KCNAB1: variants seen among roughly 807,000 people sequenced by gnomAD.
The protein encoded by KCNAB1 is potassium voltage-gated channel subfamily A regulatory beta subunit 1.
A neutral mutation model predicts 64.6 loss-of-function variants in KCNAB1; 35 were observed. The observed-to-expected ratio is 0.54, with a 90% CI of 0.41 to 0.72. The LOEUF (loss-of-function observed/expected upper bound fraction) is 0.72, where lower values mean the gene tolerates loss of function less well. Ranked by LOEUF, KCNAB1 falls within the 30% of genes least tolerant of loss-of-function variation. KCNAB1 has a pLI of 0.00. For synonymous variants in KCNAB1, 177 were observed against 183.8 expected (o/e 0.96, Z 0.30); for missense variants, 401 against 512.9 (o/e 0.78, Z 2.11).
intron 1 of KCNAB1, among the ~76,000 whole-genome samples, chr3:156,210,499 A>G (rs2108393415): frequency 6.6e-6 from 1 of 152,346 alleles, no homozygotes; most frequent in East Asian, 1.9e-4. Flanking sequence ...AGAGAGAGCC[A>G]GTCATCATGA....
intron 8 of KCNAB1, among the ~76,000 whole-genome samples, chr3:156,502,904 GT>G (rs1216251521): frequency 6.6e-6 from 1 of 152,122 alleles, no homozygotes; most frequent in East Asian, 1.9e-4. Flanking sequence ...AGGTTTGTTT[GT>G]TTGTTTAAAT....
chr3:156,228,565 G>A lies in KCNAB1; in HGVS notation c.275+107679G>A, dbSNP rs369951026. Reference sequence around the variant, plus strand: ...GTTCTATCATGTTCCACTAGAGACCGCTGCAGGTGTGCTAGAGCTTGGAGG... The same window carrying A: ...GTTCTATCATGTTCCACTAGAGACCACTGCAGGTGTGCTAGAGCTTGGAGG... On this transcript the variant is annotated intron_variant, in intron 1 of 13. Transcript: ENST00000490337. Among the ~76,000 whole-genome samples, 101 of 152,280 alleles carry A rather than the reference G, an allele frequency of 6.6e-4. 1 individual carries two copies. The highest frequency in any genetic ancestry group is 3.4e-3 in the Middle Eastern group (1 of 294).
chr3:156,234,544 G>T (rs1283632208), intron 1 of KCNAB1, among the ~76,000 whole-genome samples: 1 of 152,120 alleles, frequency 6.6e-6, no homozygotes, highest in Non-Finnish European at 1.5e-5. Context: ...TAGCAAAATA[G>T]GAAGTGAGGT....
chr3:156,361,190 C>T (rs1051712978), intron 1 of KCNAB1, among the ~76,000 whole-genome samples: 1 of 152,134 alleles, frequency 6.6e-6, no homozygotes, highest in African/African-American at 2.4e-5. Flanking sequence ...GCCACACCAT[C>T]CCCCGGGATG....
At chr3:156,301,148 G>A (rs999010443) in intron 1 of KCNAB1, among the ~76,000 whole-genome samples, 2 of 152,052 alleles carry the variant, frequency 1.3e-5, no homozygotes, top group Non-Finnish European at 2.9e-5. Flanking sequence ...TTCCTGAGGA[G>A]CACATGCTAA....
At chr3:156,426,671 T>C (rs1715841771) in intron 2 of KCNAB1, among the ~76,000 whole-genome samples, 1 of 152,238 alleles carries the variant, frequency 6.6e-6, no homozygotes, top group South Asian at 2.1e-4. Flanking sequence ...TCACTGTCTT[T>C]TTACTGTCTG....
intron 1 of KCNAB1, among the ~76,000 whole-genome samples, chr3:156,180,570 T>C (rs1275990645): frequency 1.3e-5 from 2 of 149,200 alleles, no homozygotes; most frequent in African/African-American, 2.4e-5. Flanking sequence ...CATTTTCTAC[T>C]TTTTTTTTAC....
chr3:156,268,939 A>G (rs114827914), intron 1 of KCNAB1, among the ~76,000 whole-genome samples: 13 of 152,172 alleles, frequency 8.5e-5, no homozygotes, highest in African/African-American at 3.1e-4. Context: ...TGCCCAGTCC[A>G]ATGTTCTGGA....
chr3:156,443,767 C>T (rs191689307), intron 2 of KCNAB1, among the ~76,000 whole-genome samples: 12 of 151,616 alleles, frequency 7.9e-5, no homozygotes, highest in African/African-American at 2.7e-4. Context: ...CACACACACA[C>T]ACACACACAC....
At chr3:156,414,056 C>T (rs1490057119) in intron 1 of KCNAB1, among the ~76,000 whole-genome samples, 1 of 152,328 alleles carries the variant, frequency 6.6e-6, no homozygotes, top group East Asian at 1.9e-4. Context: ...ATATCACCCT[C>T]CTCCTCAGTC....
At chr3:156,469,122 A>T (rs957963709) in intron 7 of KCNAB1, among the ~76,000 whole-genome samples, 2 of 152,208 alleles carry the variant, frequency 1.3e-5, no homozygotes, top group Non-Finnish European at 2.9e-5. Context: ...TTAGCAAAGA[A>T]ATATAAAATC....
chr3:156,222,247 C>T (rs892828542), intron 1 of KCNAB1, among the ~76,000 whole-genome samples: 4 of 152,100 alleles, frequency 2.6e-5, no homozygotes, highest in Non-Finnish European at 2.9e-5. Context: ...ATATTCCCTG[C>T]AAATGGACAC....
chr3:156,424,944 G>A (rs1715713385), intron 2 of KCNAB1, among the ~76,000 whole-genome samples: 1 of 152,180 alleles, frequency 6.6e-6, no homozygotes. Context: ...GGGCTGACTT[G>A]CTTCATTCAA....
intron 1 of KCNAB1, among the ~76,000 whole-genome samples, chr3:156,284,803 C>T (rs1347169416): frequency 6.6e-6 from 1 of 152,210 alleles, no homozygotes; most frequent in Non-Finnish European, 1.5e-5. Context: ...CCAAGTGAGG[C>T]AATGCCTCAC....
chr3:156,279,425 A>G (rs565782791), intron 1 of KCNAB1, among the ~76,000 whole-genome samples: 3 of 152,302 alleles, frequency 2.0e-5, no homozygotes, highest in Admixed American at 1.3e-4. Flanking sequence ...CGCAATAAAC[A>G]TACGGGTGCA....
intron 1 of KCNAB1, among the ~76,000 whole-genome samples, chr3:156,381,082 G>C (rs1260023267): frequency 6.6e-6 from 1 of 152,022 alleles, no homozygotes; most frequent in South Asian, 2.1e-4. Context: ...GCATCATATT[G>C]GGTCCCAAAA....
At chr3:156,300,155 C>T (rs528328281) in intron 1 of KCNAB1, among the ~76,000 whole-genome samples, 40 of 152,314 alleles carry the variant, frequency 2.6e-4, no homozygotes, top group African/African-American at 9.4e-4. Context: ...CATCCCAGCA[C>T]CTGTTCATCA....
At position 156,176,589 on chromosome 3, in the gene KCNAB1, C is replaced by G. The variant is rs910546566; in HGVS notation, c.275+55703C>G. On this transcript the variant is annotated intron_variant, in intron 1 of 13. Transcript: ENST00000490337. ...AGTTCCATCACTGCTCCACTGTGTT[C>G]CTTCAGTATGGCAGAATTATCACAG... 10 of 855,206 alleles carry G rather than the reference C, an allele frequency of 1.2e-5. No homozygotes were observed. In the African/African-American group the frequency reaches 1.7e-4, roughly 14 times the overall value. The allele number at this position is 855,206 out of a possible 1,614,324, so 53.0% of individuals were successfully genotyped here.
At chr3:156,248,469 ATTTTTTTT>A (rs33915450) in intron 1 of KCNAB1, among the ~76,000 whole-genome samples, 2 of 100,142 alleles carry the variant, frequency 2.0e-5, no homozygotes, top group Non-Finnish European at 4.0e-5. Flanking sequence ...CTGTAATGAG[ATTTTTTTT>A]TTTTTTTTTT....
Sources: gnomAD v4.1 joint callset for allele counts (sites outside exome capture counted in the v4.1 genomes callset) on GRCh38, gnomAD v4.1.1 for gene constraint, MANE v1.5 for transcripts, NCBI Gene and HGNC (gene_info 2026-07-23, HGNC 2026-07-21) for gene names.